UBAC2: variants seen among roughly 807,000 people sequenced by gnomAD.
The protein encoded by UBAC2 is UBA domain containing 2.
In UBAC2, 26 loss-of-function variants were observed where a neutral mutation model predicts 44.0. The observed-to-expected ratio is 0.59, with a 90% CI of 0.43 to 0.82. UBAC2 has a LOEUF of 0.82. Among genes scored for constraint, UBAC2 ranks in the 40% least tolerant of loss-of-function variants. The pLI is 0.00. For synonymous variants in UBAC2, 155 were observed against 154.3 expected, an observed-to-expected ratio of 1.00 and a Z score of -0.04; for missense variants, 329 against 419.4, an observed-to-expected ratio of 0.78 and a Z score of 1.88.
chr13:99,296,011 C>T (rs1221109657), intron 4 of UBAC2: 2 of 1,613,964 alleles, frequency 1.2e-6, no homozygotes, highest in African/African-American at 1.3e-5. Flanking sequence ...TTCCCACGAG[C>T]CCAATGATGA....
chr13:99,309,011 G>T (rs2044376221), intron 4 of UBAC2, among the ~76,000 whole-genome samples: 1 of 152,132 alleles, frequency 6.6e-6, no homozygotes, highest in Non-Finnish European at 1.5e-5. Context: ...GTGGGGTTTT[G>T]CCTGTTAATT....
At chr13:99,313,720 T>C (rs1173482992) in intron 4 of UBAC2, among the ~76,000 whole-genome samples, 1 of 151,992 alleles carries the variant, frequency 6.6e-6, no homozygotes, top group African/African-American at 2.4e-5. Flanking sequence ...GGACAGGGCT[T>C]GAGATGAGGC....
chr13:99,291,494 G>A (rs2044088632), intron 4 of UBAC2, among the ~76,000 whole-genome samples: 1 of 152,150 alleles, frequency 6.6e-6, no homozygotes, highest in Admixed American at 6.5e-5. Context: ...GGTCCAAAAA[G>A]TAACCAAAAT....
chr13:99,344,117 C>G (rs1346534716), intron 7 of UBAC2, among the ~76,000 whole-genome samples: 1 of 152,180 alleles, frequency 6.6e-6, no homozygotes, highest in Non-Finnish European at 1.5e-5. Flanking sequence ...ATAGTAAGTA[C>G]TCAGTATATG....
intron 4 of UBAC2, among the ~76,000 whole-genome samples, chr13:99,283,196 G>C (rs573409428): frequency 6.6e-6 from 1 of 152,162 alleles, no homozygotes; most frequent in Non-Finnish European, 1.5e-5. Flanking sequence ...TGGCTTCTAG[G>C]ATGTAGGATT....
At chr13:99,210,085 A>G (rs1211856212) in intron 1 of UBAC2, among the ~76,000 whole-genome samples, 1 of 152,248 alleles carries the variant, frequency 6.6e-6, no homozygotes, top group Non-Finnish European at 1.5e-5. Flanking sequence ...CGTAAAAGTA[A>G]CGTTAACCAC....
chr13:99,203,689 A>C lies in UBAC2; in HGVS notation c.31+2750A>C, dbSNP rs73563979. ...ACAAGTCAGTATGATTCACATAGTG[A>C]TAAGTGACATGAAGACAATGAGAGG... is the stretch of plus-strand genomic sequence containing the variant. On this transcript the variant is annotated intron_variant, in intron 1 of 8. Transcript: ENST00000403766. Among the ~76,000 whole-genome samples the C allele has an allele frequency of 9.9e-3, 1,513 of 152,358 alleles. 29 individuals are homozygous for C. Among genetic ancestry groups the C allele is most frequent in the African/African-American group, 0.035 (1,465 of 41,568 alleles).
chr13:99,221,735 C>T (rs1037441785), intron 1 of UBAC2, among the ~76,000 whole-genome samples: 3 of 152,156 alleles, frequency 2.0e-5, no homozygotes, highest in African/African-American at 7.2e-5. Context: ...CTCGGAAAGT[C>T]CTGCAGGTTC....
intron 7 of UBAC2, among the ~76,000 whole-genome samples, chr13:99,348,049 G>A (rs771056670): frequency 6.6e-6 from 1 of 152,168 alleles, no homozygotes; most frequent in East Asian, 1.9e-4. Flanking sequence ...CTCCAAAGCA[G>A]GTGGCATCTC....
At chr13:99,360,428 G>A (rs1175025470) in intron 7 of UBAC2, among the ~76,000 whole-genome samples, 1 of 152,214 alleles carries the variant, frequency 6.6e-6, no homozygotes, top group Non-Finnish European at 1.5e-5. Context: ...TTACAGGTGA[G>A]AAAACCAAGG....
Position 99,251,322 on chromosome 13 carries a change from A to G in UBAC2, c.389+6698A>G, listed in dbSNP as rs569942499. ...AGGTATAGAATCATATTGTCAGTAA[A>G]GAGAGATAGTTTGGGCTTTCCTATT... On this transcript the variant is annotated intron_variant, in intron 4 of 8. Transcript: ENST00000403766. Among the ~76,000 whole-genome samples, 41 of 152,324 alleles carry G rather than the reference A, an allele frequency of 2.7e-4. No homozygotes were observed. The South Asian group carries it at 5.8e-3, about 22-fold the overall frequency.
intron 6 of UBAC2, among the ~76,000 whole-genome samples, chr13:99,331,770 A>G (rs2044719271): frequency 6.6e-6 from 1 of 152,244 alleles, no homozygotes; most frequent in African/African-American, 2.4e-5. Flanking sequence ...GAATGTACAA[A>G]GTTCCCTTAT....
At chr13:99,341,767 G>A (rs1274379241) in intron 7 of UBAC2, among the ~76,000 whole-genome samples, 1 of 152,168 alleles carries the variant, frequency 6.6e-6, no homozygotes, top group African/African-American at 2.4e-5. Flanking sequence ...TGAGAGAAGA[G>A]CGAAAGGTAT....
chr13:99,345,405 A>C lies in UBAC2; in HGVS notation c.807+4840A>C, dbSNP rs79573169. Among the ~76,000 whole-genome samples the C allele has an allele frequency of 5.7e-3, 872 of 152,190 alleles. 9 individuals are homozygous for C. Among genetic ancestry groups the C allele is most frequent in the African/African-American group, 0.02 (832 of 41,474 alleles). ...CACAGAGGAGGAGACAAATAGAAGG[A>C]GGTTTCTAAAGCCCGGCTCTCAGAG... On this transcript the variant is annotated intron_variant, in intron 7 of 8. Transcript: ENST00000403766.
intron 8 of UBAC2, among the ~76,000 whole-genome samples, chr13:99,379,585 C>T (rs2045523906): frequency 6.6e-6 from 1 of 152,210 alleles, no homozygotes; most frequent in Admixed American, 6.5e-5. Flanking sequence ...ACTGCAACAC[C>T]AAGGGATCCA....
At chr13:99,337,597 G>T (rs2138822730) in intron 6 of UBAC2, among the ~76,000 whole-genome samples, 1 of 152,056 alleles carries the variant, frequency 6.6e-6, no homozygotes, top group South Asian at 2.1e-4. Flanking sequence ...CTTTATTCTA[G>T]AAAACTCTCA....
intron 8 of UBAC2, among the ~76,000 whole-genome samples, chr13:99,381,094 A>T (rs2045544769): frequency 6.6e-6 from 1 of 152,242 alleles, no homozygotes; most frequent in African/African-American, 2.4e-5. Flanking sequence ...GTGTACATAG[A>T]AAGCTTTCGT....
At chr13:99,309,240 A>G (rs1234408607) in intron 4 of UBAC2, among the ~76,000 whole-genome samples, 4 of 151,964 alleles carry the variant, frequency 2.6e-5, no homozygotes, top group Non-Finnish European at 2.9e-5. Flanking sequence ...CCTCCCGAGT[A>G]GCTGGGACTA....
At chr13:99,249,476 A>G (rs970671128) in intron 4 of UBAC2, among the ~76,000 whole-genome samples, 3 of 152,084 alleles carry the variant, frequency 2.0e-5, no homozygotes, top group African/African-American at 7.2e-5. Context: ...TGTCTTTGCT[A>G]TTGTGAATAG....
Sources: allele counts gnomAD v4.1 joint callset (sites outside exome capture counted in the v4.1 genomes callset), GRCh38; gene constraint gnomAD v4.1.1; transcripts MANE v1.5; gene names NCBI Gene and HGNC (gene_info 2026-07-23, HGNC 2026-07-21).